The following KLHL36 variants were observed in gnomAD, a reference collection of about 807,000 sequenced individuals.
The protein encoded by KLHL36 is kelch like family member 36.
In KLHL36, 35 loss-of-function variants were observed where a neutral mutation model predicts 53.3. The ratio of observed to expected loss-of-function variants is 0.66; its 90% CI spans 0.50 to 0.87. The LOEUF is 0.87. KLHL36 is among the 40% of genes least tolerant of loss of function. The probability of loss-of-function intolerance (pLI) is 0.00; values close to 1 mark genes in which losing one functional copy is unlikely to be tolerated. For missense variants in KLHL36, 864 were observed against 897.6 expected, an observed-to-expected ratio of 0.96 and a Z score of 0.48; for synonymous variants, 472 against 398.9, an observed-to-expected ratio of 1.18 and a Z score of -2.18.
In KLHL36 at chr16:84,662,424, T is replaced by G; in HGVS notation, c.*291T>G. The G allele has an allele frequency of 3.7e-6, 1 of 270,644 alleles. No homozygotes were observed. Among genetic ancestry groups the G allele is most frequent in the Non-Finnish European group, 7.0e-6 (1 of 141,846 alleles). The allele number at this position is 270,644 out of a possible 1,614,324, so 16.8% of individuals were successfully genotyped here. A position where few individuals can be genotyped will look rare whatever the true frequency, so the allele number is the denominator to read the frequency against. ...CATGGGTCCTTGCTGACTGTCCCCC[T>G]GAGAGTAGCTGGCACGTGGGTAACA... is the stretch of plus-strand genomic sequence containing the variant. On this transcript the variant is annotated 3_prime_UTR_variant, in exon 5 of 5. Coordinates refer to ENST00000564996, the MANE Select transcript of KLHL36 (RefSeq NM_024731.4).
intron 2 of KLHL36, among the ~76,000 whole-genome samples, chr16:84,651,502 G>C (rs965139443): frequency 6.6e-6 from 1 of 152,204 alleles, no homozygotes; most frequent in Admixed American, 6.5e-5. Flanking sequence ...AGACCCGGCT[G>C]CTATACTTTC....
intron 2 of KLHL36, among the ~76,000 whole-genome samples, chr16:84,652,956 G>T (rs961464035): frequency 6.6e-6 from 1 of 152,134 alleles, no homozygotes; most frequent in African/African-American, 2.4e-5. Context: ...AGTGGCTCAC[G>T]CCTGTAATCC....
chr16:84,667,142 T>C lies in KLHL36; in HGVS notation c.*5009T>C, dbSNP rs1424072270. 3 of 151,872 alleles carry C rather than the reference T, an allele frequency of 2.0e-5. No individual in the cohort carries two copies. Among genetic ancestry groups the C allele is most frequent in the African/African-American group, 7.3e-5 (3 of 41,354 alleles). 9.4% of individuals were successfully genotyped at this position (151,872 alleles called of 1,614,324 possible). A position where few individuals can be genotyped will look rare whatever the true frequency, so the allele number is the denominator to read the frequency against. On this transcript the variant is annotated 3_prime_UTR_variant, in exon 5 of 5. Transcript: ENST00000564996. ...TGAATGAATGTACACATTTCGGTAG[T>C]GGGGGGGCAGAGCGGATAACCCCTT...
At position 84,666,323 on chromosome 16, in the gene KLHL36, T is replaced by A. The variant is rs531027944; in HGVS notation, c.*4190T>A. ...CAGGACCTCGCCTCATGTGGCTTTG[T>A]CTTGGATCTTGCCCTTCTCCATCGC... On this transcript the variant is annotated 3_prime_UTR_variant, in exon 5 of 5. Transcript: ENST00000564996. 2 of 152,220 alleles carry A rather than the reference T, an allele frequency of 1.3e-5. No homozygotes were observed. The highest frequency in any genetic ancestry group is 2.9e-5 in the Non-Finnish European group (2 of 68,046). 9.4% of individuals were successfully genotyped at this position (152,220 alleles called of 1,614,324 possible).
At position 84,661,429 on chromosome 16, in the gene KLHL36, ACTGT is replaced by A; in HGVS notation, c.1296-146_1296-143del. On this transcript the variant is annotated intron_variant, in intron 4 of 4. Coordinates refer to ENST00000564996, the MANE Select transcript of KLHL36 (RefSeq NM_024731.4). The surrounding 1 kb of genome is among the most constrained non-coding windows in gnomAD (Gnocchi z 7.9). ...TGCCATTTCTTTGCTAATGACGGCT[ACTGT>A]CTATAGAGTGTTCATGGGGTGCCCA... is the stretch of plus-strand genomic sequence containing the variant. 3 of 705,220 alleles carry A rather than the reference ACTGT, an allele frequency of 4.3e-6. No individual in the cohort carries two copies. In the South Asian group the frequency reaches 7.3e-5, roughly 17 times the overall value. The allele number at this position is 705,220 out of a possible 1,614,324, so 43.7% of individuals were successfully genotyped here.
intron 2 of KLHL36, among the ~76,000 whole-genome samples, chr16:84,654,575 CTAGTTTTGTTTTGTTTTGTTTTGTT>C (rs1314328644): frequency 2.8e-5 from 4 of 143,814 alleles, no homozygotes; most frequent in African/African-American, 1.0e-4. Flanking sequence ...TTGCTTGAGA[CTAGTTTTGTTTTGTTTTGTTTTGTT>C]TTGTTTTGTT....
At chr16:84,655,829 C>G (rs80207379) in intron 2 of KLHL36, among the ~76,000 whole-genome samples, 1,900 of 152,272 alleles carry the variant, frequency 0.012, 37 homozygotes, top group African/African-American at 0.044. Flanking sequence ...ACCTCAGTCA[C>G]CCTGGAATAG....
Position 84,649,651 on chromosome 16 carries a change from C to A in KLHL36, c.-17+1002C>A, listed in dbSNP as rs116139840. 8.7e-3 allele frequency among the ~76,000 whole-genome samples: 1,327 copies of A among 152,342 alleles called. 16 individuals carry two copies. Among genetic ancestry groups the A allele is most frequent in the African/African-American group, 0.03 (1,239 of 41,582 alleles). ...AAGTTTCTAGTTTGTCGAGAGGAATCCAGTTGCCCCTTCTCTCCCTAGGGG... is the reference window on the plus strand; with the variant it reads ...AAGTTTCTAGTTTGTCGAGAGGAATACAGTTGCCCCTTCTCTCCCTAGGGG... On this transcript the variant is annotated intron_variant, in intron 1 of 4. Coordinates refer to ENST00000564996, the MANE Select transcript of KLHL36 (RefSeq NM_024731.4).
rs1447125815 is a variant in KLHL36 at position 84,664,266 on chromosome 16, C to G, written c.*2133C>G. The G allele has an allele frequency of 2.0e-5, 3 of 152,130 alleles. No individual in the cohort carries two copies. The highest frequency in any genetic ancestry group is 4.4e-5 in the Non-Finnish European group (3 of 68,034). 9.4% of individuals were successfully genotyped at this position (152,130 alleles called of 1,614,324 possible). On this transcript the variant is annotated 3_prime_UTR_variant, in exon 5 of 5. Coordinates refer to ENST00000564996, the MANE Select transcript of KLHL36 (RefSeq NM_024731.4). The stretch of plus-strand genomic sequence containing the variant: ...CGTGGGCTGTTCTCCCCATCTCAGC[C>G]TGGGTCATGAACAAACGGGCAGTTG...
In KLHL36 at chr16:84,661,854, C is replaced by T; in HGVS notation, c.1572C>T (p.Asn524=). Reference sequence around the variant, plus strand: ...TGGAGGCCTACAGCCCGCAGTGCAACCAGTGGACCCGCGTGGCGCCGCTGC... The same window carrying T: ...TGGAGGCCTACAGCCCGCAGTGCAATCAGTGGACCCGCGTGGCGCCGCTGC... ...LGVEAYSPQC[N]QWTRVAPLLH... The change falls in exon 5 of 5, where the codon AAC becomes AAT. Residue 524 remains asparagine, a synonymous_variant. Transcript: ENST00000564996. This position sits in a 1 kb window ranked among gnomAD's most constrained non-coding sequence, Gnocchi z 7.9. 5 of 1,602,216 alleles carry T rather than the reference C, an allele frequency of 3.1e-6. No individual in the cohort carries two copies. Among genetic ancestry groups the T allele is most frequent in the Non-Finnish European group, 4.3e-6 (5 of 1,170,910 alleles).
At chr16:84,649,011 C>G (rs1050307838) in intron 1 of KLHL36, 6 of 152,198 alleles carry the variant, frequency 3.9e-5, no homozygotes, top group African/African-American at 1.4e-4. Flanking sequence ...CAGCGGCGTC[C>G]CCGGAGACCC....
rs772142610 is a variant in KLHL36, at chr16:84,656,936, G to T, written c.129G>T (p.Gly43=). The change falls in exon 3 of 5, where the codon GGG becomes GGT. Residue 43 remains glycine, a synonymous_variant. Transcript: ENST00000564996. The part of the protein sequence containing the change: ...LQRLNEQRLR[G]LFCDVVLVAD... ...GGCTGAACGAGCAGCGTCTCCGCGG[G>T]CTCTTCTGCGACGTCGTCCTGGTGG... The T allele has an allele frequency of 3.5e-5, 56 of 1,613,376 alleles. No homozygotes were observed. The highest frequency in any genetic ancestry group is 4.6e-5 in the Non-Finnish European group (54 of 1,180,018).
chr16:84,659,329 C>G (rs531919151), intron 3 of KLHL36: 1 of 157,568 alleles, frequency 6.3e-6, no homozygotes, highest in Non-Finnish European at 1.4e-5. Context: ...CTGTCGAATG[C>G]CACGTCCTGC....
chr16:84,660,290 C>G (rs561087105), intron 4 of KLHL36, among the ~76,000 whole-genome samples: 2 of 152,206 alleles, frequency 1.3e-5, no homozygotes, highest in East Asian at 3.9e-4. Flanking sequence ...GTCTTCACCC[C>G]GCTCGGCCTT....
intron 3 of KLHL36, chr16:84,658,152 A>G (rs1907335041): frequency 4.1e-6 from 2 of 484,386 alleles, no homozygotes; most frequent in Non-Finnish European, 3.6e-6. Context: ...GGGGTCCGTC[A>G]TCGTTCAGAG....
intron 1 of KLHL36, chr16:84,649,243 G>A (rs1007313202): frequency 1.3e-5 from 2 of 152,472 alleles, no homozygotes; most frequent in Non-Finnish European, 2.9e-5. Flanking sequence ...CGTCCAACAC[G>A]GGTGGAAATC....
At position 84,657,514 on chromosome 16, in the gene KLHL36, A is replaced by G; in HGVS notation, c.707A>G (p.His236Arg). Residue 236 changes from histidine (H) to arginine (R), a missense_variant, in exon 3 of 5, where the codon CAC becomes CGC. Transcript: ENST00000564996. ...AHARQVLENI[H>R]FPLIPKNDLL... ...GCCCGCCAGGTGCTGGAGAACATCC[A>G]CTTCCCGCTCATCCCCAAGAACGAC... 1.2e-6 allele frequency: 2 copies of G among 1,609,454 alleles called. No individual in the cohort carries two copies. The highest frequency in any genetic ancestry group is 1.7e-6 in the Non-Finnish European group (2 of 1,179,860).
rs1363237365 is a variant in KLHL36 at position 84,648,805 on chromosome 16, G to A, written c.-17+156G>A. On this transcript the variant is annotated intron_variant, in intron 1 of 4. Transcript: ENST00000564996. The surrounding 1 kb of genome is among the most constrained non-coding windows in gnomAD (Gnocchi z 4.9). ...TGCCGGGGCGGGCGGGTGGGCGAGT[G>A]GGGGCGCCGCGGCCGGGGGAGGGGC... 6.7e-6 allele frequency: 1 copy of A among 149,656 alleles called. No homozygotes were observed. Among genetic ancestry groups the A allele is most frequent in the Non-Finnish European group, 1.5e-5 (1 of 67,096 alleles). 9.3% of individuals were successfully genotyped at this position (149,656 alleles called of 1,614,324 possible).
chr16:84,653,171 C>T (rs1049965900), intron 2 of KLHL36, among the ~76,000 whole-genome samples: 3 of 151,968 alleles, frequency 2.0e-5, no homozygotes, highest in African/African-American at 7.3e-5. Flanking sequence ...GAGCTATGAT[C>T]GCACCACTGT....
Sources: gnomAD v4.1 joint callset for allele counts (sites outside exome capture counted in the v4.1 genomes callset) on GRCh38, gnomAD v4.1.1 for gene constraint, Gnocchi (gnomAD v3.1) non-coding constraint, MANE v1.5 for transcripts, NCBI Gene and HGNC (gene_info 2026-07-23, HGNC 2026-07-21) for gene names.